The following ADGRF5 variants were observed in gnomAD, a reference collection of about 807,000 sequenced individuals.
ADGRF5 encodes G-protein coupled receptor 116.
ADGRF5 carries 75 observed loss-of-function variants against 132.3 expected under a neutral mutation model. The observed-to-expected ratio is 0.57, with a 90% CI of 0.47 to 0.69. The LOEUF (loss-of-function observed/expected upper bound fraction) is 0.69. Among genes scored for constraint, ADGRF5 ranks in the 30% least tolerant of loss-of-function variants. The pLI is 0.00. For synonymous variants in ADGRF5, 629 were observed against 597.6 expected (o/e 1.05, Z -0.77); for missense variants, 1,516 against 1,630.6 (o/e 0.93, Z 1.21).
intron 4 of ADGRF5, 120 bp downstream of exon 4, chr6:46,888,215 G>T: frequency 1.4e-6 from 1 of 691,474 alleles, no homozygotes. Context: ...TCACACATCC[G>T]TCTCGGTGAG....
Position 46,868,892 on chromosome 6 carries a change from C to G in ADGRF5, c.1612G>C (p.Glu538Gln), listed in dbSNP as rs766256358. Residue 538 changes from glutamate (E) to glutamine (Q), a missense_variant, in exon 12 of 21, where the codon GAG becomes CAG. Physicochemically the swap from Glu to Gln is conservative, Grantham distance 29. Transcript: ENST00000283296. ...CCGGCCTTTCACTCACCATTCCACT[C>G]CCTGGTCGAGGTCTTGACTGTCAGT... ...SVLTVKTSTREWNGTYHCIFR... is the reference protein window; with the variant it reads ...SVLTVKTSTRQWNGTYHCIFR... The G allele has an allele frequency of 1.2e-6, 2 of 1,607,416 alleles. No homozygotes were observed. The highest frequency in any genetic ancestry group is 2.7e-5 in the African/African-American group (2 of 74,882).
At chr6:46,918,000 T>C (rs931158099) in intron 1 of ADGRF5, among the ~76,000 whole-genome samples, 9 of 152,250 alleles carry the variant, frequency 5.9e-5, no homozygotes, top group African/African-American at 1.9e-4. Flanking sequence ...GAAAGGTTCT[T>C]TGCCTTTGCA....
intron 1 of ADGRF5, among the ~76,000 whole-genome samples, chr6:46,945,420 T>C (rs1778265371): frequency 6.6e-6 from 1 of 152,192 alleles, no homozygotes; most frequent in Non-Finnish European, 1.5e-5. Context: ...AGTGACACTT[T>C]TGCGTTCCTA....
intron 1 of ADGRF5, among the ~76,000 whole-genome samples, chr6:46,918,945 TAA>T (rs1562239373): frequency 6.6e-6 from 1 of 152,332 alleles, no homozygotes; most frequent in East Asian, 1.9e-4. Context: ...CTTTGGAGAT[TAA>T]AAACAACAAA....
At chr6:46,878,457 T>A in intron 9 of ADGRF5, 52 bp from the exon 10 acceptor site, 1 of 1,072,304 alleles carries the variant, frequency 9.3e-7, no homozygotes, top group Non-Finnish European at 1.4e-6. Context: ...TGTATTTTCT[T>A]AGAGGAATGT....
At chr6:46,936,839 G>A (rs1299402881) in intron 1 of ADGRF5, among the ~76,000 whole-genome samples, 1 of 152,190 alleles carries the variant, frequency 6.6e-6, no homozygotes, top group Admixed American at 6.5e-5. Flanking sequence ...AAGCACTGGA[G>A]AGCTAGGCAT....
At chr6:46,916,830 A>T (rs1776457190) in intron 1 of ADGRF5, among the ~76,000 whole-genome samples, 2 of 152,226 alleles carry the variant, frequency 1.3e-5, no homozygotes, top group South Asian at 4.1e-4. Context: ...TTCTCCCATA[A>T]CACTTGAGTA....
chr6:46,875,857 T>C (rs1771598829), intron 10 of ADGRF5, among the ~76,000 whole-genome samples: 1 of 152,180 alleles, frequency 6.6e-6, no homozygotes, highest in South Asian at 2.1e-4. Flanking sequence ...ACAATAACTA[T>C]TTTGTGATTG....
chr6:46,874,317 C>T (rs1345587000), intron 10 of ADGRF5, among the ~76,000 whole-genome samples: 2 of 152,196 alleles, frequency 1.3e-5, no homozygotes, highest in African/African-American at 4.8e-5. Context: ...CCTCTGTTCA[C>T]ACCTGAAATA....
At chr6:46,928,051 G>A (rs1261765032) in intron 1 of ADGRF5, among the ~76,000 whole-genome samples, 1 of 152,152 alleles carries the variant, frequency 6.6e-6, no homozygotes, top group Non-Finnish European at 1.5e-5. Flanking sequence ...ACTGAAAAGT[G>A]GGGTGACAAC....
intron 3 of ADGRF5, among the ~76,000 whole-genome samples, chr6:46,896,714 C>CAT (rs147120878): frequency 0.014 from 2,122 of 149,550 alleles, 20 homozygotes; most frequent in South Asian, 0.027. Flanking sequence ...ATATGTGATA[C>CAT]ATATATATAT....
intron 3 of ADGRF5, among the ~76,000 whole-genome samples, chr6:46,894,366 C>T (rs1773959963): frequency 6.6e-6 from 1 of 152,168 alleles, no homozygotes; most frequent in Admixed American, 6.5e-5. Context: ...AGGCTATGGG[C>T]TACCTGGCAG....
At chr6:46,870,878 C>A in intron 11 of ADGRF5, 1 of 441,168 alleles carries the variant, frequency 2.3e-6, no homozygotes, top group South Asian at 1.6e-5. Flanking sequence ...TTGCAGTTTT[C>A]TGTAGTGAGA....
intron 1 of ADGRF5, among the ~76,000 whole-genome samples, chr6:46,947,344 G>A (rs555260450): frequency 2.0e-5 from 3 of 152,278 alleles, no homozygotes; most frequent in East Asian, 3.9e-4. Context: ...ACCAATGATG[G>A]CTGCATGTCA....
intron 4 of ADGRF5, among the ~76,000 whole-genome samples, chr6:46,884,842 T>C (rs561042313): frequency 4.5e-4 from 69 of 152,310 alleles, no homozygotes; most frequent in African/African-American, 1.5e-3. Flanking sequence ...GGCAAGGAAC[T>C]GAGGTCTACA....
chr6:46,881,978 G>A, intron 7 of ADGRF5, 71 bp downstream of exon 7: 1 of 1,113,218 alleles, frequency 9.0e-7, no homozygotes, highest in South Asian at 1.2e-5. Context: ...CCTCTCTAGG[G>A]GGTTTACCTC....
In ADGRF5 at chr6:46,854,050, G is replaced by A. The variant is rs1768761560; in HGVS notation, c.3983C>T (p.Pro1328Leu). 1 of 1,602,530 alleles carries A rather than the reference G, an allele frequency of 6.2e-7. No individual in the cohort carries two copies. The highest frequency in any genetic ancestry group is 1.4e-5 in the African/African-American group (1 of 73,946). Residue 1328 changes from proline (P) to leucine (L), a missense_variant, in exon 21 of 21, where the codon CCA becomes CTA. Coordinates refer to ENST00000283296, the MANE Select transcript of ADGRF5 (RefSeq NM_001098518.2). The part of the protein sequence containing the change: ...GKTGTYNVST[P>L]EATSSSLENS... The stretch of plus-strand genomic sequence containing the variant: ...TTCCAGGGATGAGCTGGTTGCTTCT[G>A]GGGTGGAAACATTATACGTTCCTGA...
intron 1 of ADGRF5, among the ~76,000 whole-genome samples, chr6:46,930,260 G>C (rs1440624764): frequency 6.6e-6 from 1 of 152,210 alleles, no homozygotes; most frequent in East Asian, 1.9e-4. Context: ...AGTATAAACT[G>C]TCACTTCTGT....
chr6:46,925,441 A>T (rs1365644923), upstream of ADGRF5, among the ~76,000 whole-genome samples: 1 of 152,148 alleles, frequency 6.6e-6, no homozygotes, highest in Non-Finnish European at 1.5e-5. Context: ...TGGAGTCTCC[A>T]CCTTGCATCC....
Sources: allele counts gnomAD v4.1 joint callset (sites outside exome capture counted in the v4.1 genomes callset), GRCh38; gene constraint gnomAD v4.1.1; transcripts MANE v1.5; gene names NCBI Gene and HGNC (gene_info 2026-07-23, HGNC 2026-07-21).